Variants in INPP4B observed in about 807,000 individuals in gnomAD.
The protein encoded by INPP4B is inositol polyphosphate 4-phosphatase type II.
In INPP4B, 55 loss-of-function variants were observed where a neutral mutation model predicts 122.5. That is an observed-to-expected ratio of 0.45 (90% CI 0.36 to 0.56). The LOEUF (loss-of-function observed/expected upper bound fraction) is 0.56, where lower values mean the gene tolerates loss of function less well. Among genes scored for constraint, INPP4B ranks in the 20% least tolerant of loss-of-function variants. The pLI is 0.00. For synonymous variants in INPP4B, 403 were observed against 388.7 expected, an observed-to-expected ratio of 1.04 and a Z score of -0.43; for missense variants, 1,000 against 1,097.7, an observed-to-expected ratio of 0.91 and a Z score of 1.26.
intron 2 of INPP4B, among the ~76,000 whole-genome samples, chr4:142,607,783 T>TA (rs1741590916): frequency 6.6e-6 from 1 of 152,132 alleles, no homozygotes; most frequent in African/African-American, 2.4e-5. Flanking sequence ...GAAGAACACT[T>TA]ATAGCTTCCA....
At chr4:142,434,281 G>C (rs1809960576) in intron 3 of INPP4B, among the ~76,000 whole-genome samples, 1 of 152,186 alleles carries the variant, frequency 6.6e-6, no homozygotes, top group African/African-American at 2.4e-5. Context: ...ATCAGAGGTA[G>C]ACAAAGACAG....
chr4:142,323,794 T>C (rs997781570), intron 7 of INPP4B, among the ~76,000 whole-genome samples: 2 of 151,680 alleles, frequency 1.3e-5, no homozygotes, highest in African/African-American at 4.9e-5. Context: ...CTCCAGATGA[T>C]ACCTTCCAGC....
chr4:142,162,281 T>G lies in INPP4B; in HGVS notation c.1360-1720A>C, dbSNP rs1820516886. On this transcript the variant is annotated intron_variant, in intron 16 of 25. Transcript: ENST00000262992. ...GGCAAAAAAAAGAAGTGTTCACTGATGTTCACAATGAAGTATTAAAATGAG... is the reference window on the plus strand; with the variant it reads ...GGCAAAAAAAAGAAGTGTTCACTGAGGTTCACAATGAAGTATTAAAATGAG... 2.0e-5 allele frequency among the ~76,000 whole-genome samples: 3 copies of G among 150,482 alleles called. No homozygotes were observed. In the South Asian group the frequency reaches 6.3e-4, roughly 32 times the overall value.
intron 2 of INPP4B, among the ~76,000 whole-genome samples, chr4:142,541,429 G>A (rs954486545): frequency 7.9e-5 from 12 of 152,128 alleles, no homozygotes; most frequent in East Asian, 3.9e-4. Context: ...TTTGTACACT[G>A]GAGCCCAGAA....
chr4:142,759,339 C>T (rs1048312827), intron 1 of INPP4B, among the ~76,000 whole-genome samples: 5 of 152,072 alleles, frequency 3.3e-5, no homozygotes, highest in African/African-American at 1.2e-4. Context: ...TCCAAGTTTC[C>T]TGGCAACAAG....
At chr4:142,429,975 T>C (rs1173805956) in intron 4 of INPP4B, among the ~76,000 whole-genome samples, 1 of 152,038 alleles carries the variant, frequency 6.6e-6, no homozygotes, top group Non-Finnish European at 1.5e-5. Context: ...GGCCATTTGT[T>C]ACAACTCAAG....
chr4:142,105,927 TTA>T, intron 23 of INPP4B, among the ~76,000 whole-genome samples: 1 of 152,296 alleles, frequency 6.6e-6, no homozygotes, highest in East Asian at 1.9e-4. Flanking sequence ...TATAAAAGCT[TTA>T]TGTTTTTTCC....
chr4:142,642,408 A>G (rs1750712110), intron 2 of INPP4B, among the ~76,000 whole-genome samples: 2 of 152,184 alleles, frequency 1.3e-5, no homozygotes, highest in South Asian at 4.1e-4. Flanking sequence ...TAGGTCCAAC[A>G]TTTAAGCCTT....
intron 25 of INPP4B, among the ~76,000 whole-genome samples, chr4:142,071,440 T>A (rs1373503160): frequency 2.0e-5 from 3 of 151,984 alleles, no homozygotes; most frequent in Admixed American, 1.3e-4. Context: ...GGACTTCATG[T>A]CTAAAACACC....
intron 9 of INPP4B, among the ~76,000 whole-genome samples, chr4:142,296,150 T>C (rs531961125): frequency 9.8e-5 from 15 of 152,344 alleles, no homozygotes; most frequent in African/African-American, 3.4e-4. Context: ...TGGTTTGTGT[T>C]GTCCCTTCAG....
Position 142,836,840 on chromosome 4 carries a change from T to G in INPP4B, c.-254+9369A>C, listed in dbSNP as rs190030588. Among the ~76,000 whole-genome samples, 156 of 152,194 alleles carry G rather than the reference T, an allele frequency of 1.0e-3. 5 individuals are homozygous for G. The highest frequency in any genetic ancestry group is 7.5e-4 in the Non-Finnish European group (51 of 68,016). On this transcript the variant is annotated intron_variant, in intron 1 of 25. Coordinates refer to ENST00000262992, the MANE Select transcript of INPP4B (RefSeq NM_001101669.3). ...TAACATAAATGACAACGGGTCAGTA[T>G]TCTTACCCTAATATGTAAAGGACAT... is the stretch of plus-strand genomic sequence containing the variant.
intron 1 of INPP4B, among the ~76,000 whole-genome samples, chr4:142,809,384 T>C (rs1052907529): frequency 7.9e-5 from 12 of 152,176 alleles, no homozygotes; most frequent in African/African-American, 2.9e-4. Context: ...TTAATTTTCA[T>C]TTCACTCTTT....
chr4:142,259,348 G>T (rs969997472), intron 11 of INPP4B, among the ~76,000 whole-genome samples: 27 of 149,644 alleles, frequency 1.8e-4, no homozygotes, highest in African/African-American at 6.2e-4. Context: ...AAAACTTAAA[G>T]TATAATAATA....
intron 22 of INPP4B, among the ~76,000 whole-genome samples, chr4:142,111,801 T>A (rs1402273739): frequency 6.6e-6 from 1 of 152,128 alleles, no homozygotes; most frequent in Non-Finnish European, 1.5e-5. Flanking sequence ...TAGAGTACAG[T>A]GGCGTGATCT....
intron 11 of INPP4B, among the ~76,000 whole-genome samples, chr4:142,243,295 C>A (rs1328596282): frequency 2.0e-5 from 3 of 152,072 alleles, no homozygotes; most frequent in Admixed American, 2.0e-4. Flanking sequence ...ATAGTTGAAG[C>A]ATTTAAAGTC....
intron 7 of INPP4B, among the ~76,000 whole-genome samples, chr4:142,350,327 A>C (rs1316777239): frequency 1.3e-5 from 2 of 151,974 alleles, no homozygotes; most frequent in African/African-American, 4.8e-5. Context: ...TGTCACTTCT[A>C]TATGATAATT....
intron 2 of INPP4B, among the ~76,000 whole-genome samples, chr4:142,715,205 T>C (rs889160204): frequency 7.2e-5 from 11 of 152,218 alleles, no homozygotes; most frequent in African/African-American, 2.7e-4. Context: ...GCCACATGTG[T>C]GATTTGCAAA....
intron 1 of INPP4B, among the ~76,000 whole-genome samples, chr4:142,809,211 A>G (rs1184865610): frequency 1.3e-5 from 2 of 152,116 alleles, no homozygotes; most frequent in Admixed American, 6.6e-5. Flanking sequence ...ATTCCAAAAT[A>G]TAATTTTATT....
intron 2 of INPP4B, among the ~76,000 whole-genome samples, chr4:142,536,676 G>C (rs985504824): frequency 2.0e-5 from 3 of 152,138 alleles, no homozygotes; most frequent in Non-Finnish European, 4.4e-5. Flanking sequence ...CTAAAGATGG[G>C]AAGGGGCCAT....
Sources: allele counts gnomAD v4.1 joint callset (sites outside exome capture counted in the v4.1 genomes callset), GRCh38; gene constraint gnomAD v4.1.1; transcripts MANE v1.5; gene names NCBI Gene and HGNC (gene_info 2026-07-23, HGNC 2026-07-21).